CHL1: variants seen among roughly 807,000 people sequenced by gnomAD.
CHL1 encodes neural cell adhesion molecule L1-like protein.
CHL1 carries 96 observed loss-of-function variants against 141.9 expected under a neutral mutation model. The ratio of observed to expected loss-of-function variants is 0.68; its 90% CI spans 0.57 to 0.80. CHL1 has a LOEUF of 0.80. Among genes scored for constraint, CHL1 ranks in the 30% least tolerant of loss-of-function variants. The probability of loss-of-function intolerance (pLI) is 0.00; values close to 1 mark genes in which losing one functional copy is unlikely to be tolerated. For synonymous variants in CHL1, 613 were observed against 502.2 expected, an observed-to-expected ratio of 1.22 and a Z score of -2.95; for missense variants, 1,820 against 1,457.2, an observed-to-expected ratio of 1.25 and a Z score of -4.05.
chr3:209,549 A>T lies in CHL1; in HGVS notation c.-175+12486A>T, dbSNP rs1320163494. Among the ~76,000 whole-genome samples, 8 of 152,328 alleles carry T rather than the reference A, an allele frequency of 5.3e-5. No individual in the cohort carries two copies. The East Asian group carries it at 1.4e-3, about 26-fold the overall frequency. On this transcript the variant is annotated intron_variant, in intron 1 of 27. Coordinates refer to ENST00000256509, the MANE Select transcript of CHL1 (RefSeq NM_006614.4). ...TCAATAATGTTAAATACAAATTCTTAACAGAACCCTAATCTTTTTTTTGTC... is the reference window on the plus strand; with the variant it reads ...TCAATAATGTTAAATACAAATTCTTTACAGAACCCTAATCTTTTTTTTGTC...
At chr3:226,607 C>T (rs1455824108) in intron 1 of CHL1, among the ~76,000 whole-genome samples, 3 of 151,504 alleles carry the variant, frequency 2.0e-5, no homozygotes, top group Non-Finnish European at 4.4e-5. Flanking sequence ...ACACCACGCC[C>T]AGCTAATTCT....
chr3:292,186 T>A (rs1396169384), intron 2 of CHL1, among the ~76,000 whole-genome samples: 1 of 152,202 alleles, frequency 6.6e-6, no homozygotes, highest in Non-Finnish European at 1.5e-5. Context: ...TATAAAAATA[T>A]CTAAATGGTA....
chr3:363,044 A>G (rs761788283), intron 13 of CHL1, among the ~76,000 whole-genome samples, 173 bp from the exon 14 acceptor site: 1 of 152,206 alleles, frequency 6.6e-6, no homozygotes, highest in African/African-American at 2.4e-5. Context: ...TTGGGTAGAT[A>G]AGATATACAA....
At chr3:253,399 G>GTAAGCAAGAAAGAAACAAGAA (rs1693884748) in intron 2 of CHL1, among the ~76,000 whole-genome samples, 1 of 152,164 alleles carries the variant, frequency 6.6e-6, no homozygotes, top group Non-Finnish European at 1.5e-5. Flanking sequence ...ATACCAGTAC[G>GTAAGCAAGAAAGAAACAAGAA]TAAGCAAGAA....
At chr3:259,336 G>A (rs1343069455) in intron 2 of CHL1, among the ~76,000 whole-genome samples, 2 of 151,936 alleles carry the variant, frequency 1.3e-5, no homozygotes, top group Admixed American at 6.6e-5. Context: ...GTGTGTGTGT[G>A]TGATATAGTG....
intron 5 of CHL1, among the ~76,000 whole-genome samples, chr3:336,954 A>G: frequency 6.6e-6 from 1 of 152,042 alleles, no homozygotes; most frequent in African/African-American, 2.4e-5. Flanking sequence ...GTTTTCAAAA[A>G]CCTAGATGTG....
At chr3:353,369 T>C (rs1703428766) in intron 10 of CHL1, among the ~76,000 whole-genome samples, 1 of 152,192 alleles carries the variant, frequency 6.6e-6, no homozygotes. Context: ...AAAGTAAGGA[T>C]ATCATTAAAA....
intron 2 of CHL1, among the ~76,000 whole-genome samples, chr3:250,270 T>C (rs1057296245): frequency 3.3e-5 from 5 of 152,112 alleles, no homozygotes; most frequent in Non-Finnish European, 7.4e-5. Context: ...ATATTAGTAA[T>C]TTAATTTTTA....
At chr3:226,563 CT>C (rs1346806076) in intron 1 of CHL1, among the ~76,000 whole-genome samples, 15 of 151,788 alleles carry the variant, frequency 9.9e-5, no homozygotes, top group Non-Finnish European at 1.9e-4. Context: ...GATTCTCCTG[CT>C]TCAGCCTCCC....
intron 11 of CHL1, among the ~76,000 whole-genome samples, chr3:359,108 G>T (rs1421477901): frequency 4.6e-5 from 7 of 151,026 alleles, no homozygotes. Context: ...TTTAGAGTCA[G>T]AAAAGTGGCC....
intron 2 of CHL1, chr3:282,776 G>T (rs745351331): frequency 6.6e-6 from 1 of 152,058 alleles, no homozygotes; most frequent in Non-Finnish European, 1.5e-5. Context: ...TTTTAGATGG[G>T]TCACCAAAGC....
At chr3:337,730 G>T (rs1216384594) in intron 5 of CHL1, among the ~76,000 whole-genome samples, 1 of 152,172 alleles carries the variant, frequency 6.6e-6, no homozygotes, top group Non-Finnish European at 1.5e-5. Context: ...ATTCCATGGT[G>T]TATATGTGCC....
chr3:238,962 T>TA (rs1270649771), intron 1 of CHL1, among the ~76,000 whole-genome samples: 1 of 44,886 alleles, frequency 2.2e-5, no homozygotes, highest in Non-Finnish European at 6.0e-5. Flanking sequence ...AAACAAAAAA[T>TA]CTTTTTTTTT....
intron 1 of CHL1, among the ~76,000 whole-genome samples, chr3:219,757 T>C (rs9817620): frequency 0.14 from 21,469 of 152,170 alleles, 2,589 homozygotes; most frequent in African/African-American, 0.33. Flanking sequence ...CTAGGCTTAA[T>C]GAAATAGTCT....
intron 2 of CHL1, among the ~76,000 whole-genome samples, chr3:270,862 A>C (rs928765535): frequency 7.9e-5 from 12 of 152,200 alleles, no homozygotes; most frequent in Non-Finnish European, 4.4e-5. Context: ...TTGAGGGTGC[A>C]CACATGTGTG....
chr3:383,573 A>T (rs1048539443), intron 18 of CHL1, among the ~76,000 whole-genome samples: 1 of 152,184 alleles, frequency 6.6e-6, no homozygotes, highest in African/African-American at 2.4e-5. Context: ...AGACACATAT[A>T]CTAAACCATC....
At position 334,667 on chromosome 3, in the gene CHL1, T is replaced by A. The variant is rs139390722; in HGVS notation, c.386-6127T>A. 3.8e-4 allele frequency among the ~76,000 whole-genome samples: 58 copies of A among 152,336 alleles called. No homozygotes were observed. The South Asian group carries it at 8.5e-3, about 22-fold the overall frequency. ...CTGCATGGATATCATTTCCTGTTAATCCATCCACCAGTTGATGAACATTTG... is the reference window on the plus strand; with the variant it reads ...CTGCATGGATATCATTTCCTGTTAAACCATCCACCAGTTGATGAACATTTG... On this transcript the variant is annotated intron_variant, in intron 5 of 27. Coordinates refer to ENST00000256509, the MANE Select transcript of CHL1 (RefSeq NM_006614.4).
chr3:221,650 A>G (rs1700851939), intron 1 of CHL1, among the ~76,000 whole-genome samples: 1 of 152,228 alleles, frequency 6.6e-6, no homozygotes, highest in Admixed American at 6.5e-5. Flanking sequence ...TCATTCAAGG[A>G]CTTATGCATC....
intron 1 of CHL1, among the ~76,000 whole-genome samples, chr3:235,208 A>G (rs1012705888): frequency 2.6e-5 from 4 of 152,074 alleles, no homozygotes; most frequent in East Asian, 1.9e-4. Flanking sequence ...GCCATAAAGA[A>G]CAAGAGTTTG....
Sources: gnomAD v4.1 joint callset for allele counts (sites outside exome capture counted in the v4.1 genomes callset) on GRCh38, gnomAD v4.1.1 for gene constraint, MANE v1.5 for transcripts, NCBI Gene and HGNC (gene_info 2026-07-23, HGNC 2026-07-21) for gene names.